ANKRD44: variants seen among roughly 807,000 people sequenced by gnomAD.
ANKRD44 encodes ankyrin repeat domain 44, also known as serine/threonine-protein phosphatase 6 regulatory ankyrin repeat subunit B.
Under a neutral mutation model 116.0 loss-of-function variants are expected in ANKRD44, and 35 were observed. The observed-to-expected ratio is 0.30, with a 90% CI of 0.23 to 0.40. The LOEUF is 0.40. Among genes scored for constraint, ANKRD44 ranks in the 10% least tolerant of loss-of-function variants. ANKRD44 has a pLI of 1.00. For missense variants in ANKRD44, 1,014 were observed against 1,242.6 expected (o/e 0.82, Z 2.77); for synonymous variants, 435 against 461.8 (o/e 0.94, Z 0.74).
At chr2:197,132,099 G>A (rs2079110296) in intron 4 of ANKRD44, among the ~76,000 whole-genome samples, 1 of 152,126 alleles carries the variant, frequency 6.6e-6, no homozygotes, top group Admixed American at 6.5e-5. Context: ...AGCCTAGGGA[G>A]TACACAGAAA....
chr2:197,056,224 A>G (rs897561052), intron 16 of ANKRD44, among the ~76,000 whole-genome samples: 1 of 151,998 alleles, frequency 6.6e-6, no homozygotes, highest in African/African-American at 2.4e-5. Flanking sequence ...ATTGCCTCAT[A>G]TATTCTTTAC....
chr2:196,982,108 T>TTTATATATATA (rs150861089), downstream of ANKRD44, among the ~76,000 whole-genome samples: 4 of 96,552 alleles, frequency 4.1e-5, no homozygotes, highest in African/African-American at 1.5e-4. Context: ...CTAAAAAAAA[T>TTTATATATATA]TATATATATA....
intron 4 of ANKRD44, among the ~76,000 whole-genome samples, chr2:197,126,957 C>T (rs934429134): frequency 4.6e-5 from 7 of 151,664 alleles, no homozygotes; most frequent in South Asian, 2.1e-4. Context: ...CACTGCACTC[C>T]GGCCTGGGCA....
chr2:197,028,805 C>T (rs1281858537), intron 16 of ANKRD44: 1 of 214,918 alleles, frequency 4.7e-6, no homozygotes, highest in Non-Finnish European at 9.2e-6. Context: ...TTTTTTCCCA[C>T]CAGAGGTTTC....
chr2:197,257,775 CA>C (rs1306392402), intron 1 of ANKRD44, among the ~76,000 whole-genome samples: 1 of 152,108 alleles, frequency 6.6e-6, no homozygotes, highest in Non-Finnish European at 1.5e-5. Flanking sequence ...TTTAAGTGTA[CA>C]GTTCACTGGG....
chr2:197,247,927 C>T (rs1296518036), intron 1 of ANKRD44, among the ~76,000 whole-genome samples: 4 of 152,122 alleles, frequency 2.6e-5, no homozygotes, highest in African/African-American at 9.7e-5. Flanking sequence ...CAGGGCTCCC[C>T]GTTGGACTTA....
At chr2:197,142,650 C>G (rs1019230859) in intron 3 of ANKRD44, among the ~76,000 whole-genome samples, 1 of 152,266 alleles carries the variant, frequency 6.6e-6, no homozygotes, top group East Asian at 1.9e-4. Flanking sequence ...CCAAAATCAG[C>G]ATTGCCTGGT....
intron 13 of ANKRD44, among the ~76,000 whole-genome samples, chr2:197,085,344 T>C (rs549449769): frequency 6.6e-6 from 1 of 152,282 alleles, no homozygotes; most frequent in East Asian, 1.9e-4. Flanking sequence ...AGGCTCACAG[T>C]CAGGTGGGGA....
At chr2:197,122,370 G>T (rs1040450774) in intron 7 of ANKRD44, among the ~76,000 whole-genome samples, 3 of 152,110 alleles carry the variant, frequency 2.0e-5, no homozygotes, top group Admixed American at 2.0e-4. Context: ...CAGAACCTTG[G>T]CCAGTCTTTA....
In ANKRD44 at chr2:197,290,121, A is replaced by G. The variant is rs1441052733; in HGVS notation, c.27+20457T>C. The stretch of plus-strand genomic sequence containing the variant: ...GTGATCTGCCCGCCTCAGCCTCCCA[A>G]TAGTCTATTTTTCAAAAAGAAAAAA... On this transcript the variant is annotated intron_variant, in intron 1 of 27. Transcript: ENST00000282272. 8.5e-5 allele frequency among the ~76,000 whole-genome samples: 13 copies of G among 152,118 alleles called. No homozygotes were observed. In the East Asian group the frequency reaches 9.6e-4, roughly 11 times the overall value.
chr2:197,168,884 T>G, intron 2 of ANKRD44, among the ~76,000 whole-genome samples: 1 of 152,160 alleles, frequency 6.6e-6, no homozygotes, highest in African/African-American at 2.4e-5. Context: ...TTCAGGCACA[T>G]CATTTCTGCC....
At chr2:197,098,808 T>C (rs2078223585) in intron 10 of ANKRD44, among the ~76,000 whole-genome samples, 1 of 152,184 alleles carries the variant, frequency 6.6e-6, no homozygotes, top group South Asian at 2.1e-4. Flanking sequence ...ATTACTAGTA[T>C]TACTACAATA....
At chr2:197,127,975 G>A (rs2079014460) in intron 4 of ANKRD44, among the ~76,000 whole-genome samples, 2 of 152,224 alleles carry the variant, frequency 1.3e-5, no homozygotes, top group South Asian at 4.2e-4. Context: ...AGCTCCATTC[G>A]TGTTCCTGGA....
chr2:196,990,711 T>C, intron 27 of ANKRD44: 2 of 1,232,206 alleles, frequency 1.6e-6, no homozygotes, highest in Non-Finnish European at 2.0e-6. Context: ...ATCATTTTCA[T>C]TGTACCCATC....
chr2:197,046,625 G>T (rs144552878), intron 16 of ANKRD44, among the ~76,000 whole-genome samples: 1,992 of 117,990 alleles, frequency 0.017, 19 homozygotes, highest in Middle Eastern at 0.039. Context: ...CAGCCTGGGC[G>T]ACAGAGCGAG....
intron 3 of ANKRD44, among the ~76,000 whole-genome samples, chr2:197,137,570 C>T (rs1174352770): frequency 1.3e-5 from 2 of 152,210 alleles, no homozygotes; most frequent in Admixed American, 6.5e-5. Context: ...GTTTAAGGCA[C>T]TGGCTAAAAG....
In ANKRD44 at chr2:197,212,819, G is replaced by A. The variant is rs77519683; in HGVS notation, c.28-25713C>T. On this transcript the variant is annotated intron_variant, in intron 1 of 27. Coordinates refer to ENST00000282272, the MANE Select transcript of ANKRD44 (RefSeq NM_001195144.2). This position sits in a 1 kb window ranked among gnomAD's most constrained non-coding sequence, Gnocchi z 4.8. ...AAACACACACTTCAATCAGGAACTC[G>A]GTGATCACATGCCCACGGTGAGAGA... Among the ~76,000 whole-genome samples the A allele has an allele frequency of 4.7e-3, 708 of 152,208 alleles. 7 individuals are homozygous for A. Among genetic ancestry groups the A allele is most frequent in the East Asian group, 0.045 (233 of 5,180 alleles).
At chr2:197,071,582 T>C (rs889629732) in intron 16 of ANKRD44, among the ~76,000 whole-genome samples, 3 of 152,240 alleles carry the variant, frequency 2.0e-5, no homozygotes, top group Non-Finnish European at 1.5e-5. Flanking sequence ...AATTCTTTTA[T>C]GTTTTTTGAA....
intron 1 of ANKRD44, among the ~76,000 whole-genome samples, chr2:197,263,754 TC>T (rs1031867812): frequency 6.6e-6 from 1 of 151,946 alleles, no homozygotes; most frequent in African/African-American, 2.4e-5. Flanking sequence ...AGGGCAAATG[TC>T]ACTATTCCGG....
Sources: gnomAD v4.1 joint callset for allele counts (sites outside exome capture counted in the v4.1 genomes callset) on GRCh38, gnomAD v4.1.1 for gene constraint, Gnocchi (gnomAD v3.1) non-coding constraint, MANE v1.5 for transcripts, NCBI Gene and HGNC (gene_info 2026-07-23, HGNC 2026-07-21) for gene names.